SWT1: variants seen among roughly 807,000 people sequenced by gnomAD.
SWT1 encodes the protein SWT1 RNA endoribonuclease homolog, also known as transcriptional protein SWT1.
Under a neutral mutation model 107.3 loss-of-function variants are expected in SWT1, and 33 were observed. The observed-to-expected ratio is 0.31, with a 90% CI of 0.23 to 0.41. The LOEUF (loss-of-function observed/expected upper bound fraction) is 0.41, where lower values mean the gene tolerates loss of function less well. SWT1 is among the 10% of genes least tolerant of loss of function. SWT1 has a pLI of 1.00. For synonymous variants in SWT1, 345 were observed against 348.3 expected (o/e 0.99, Z 0.11); for missense variants, 898 against 1,028.9 (o/e 0.87, Z 1.74).
At chr1:185,199,935 G>A (rs1447363783) in intron 10 of SWT1, among the ~76,000 whole-genome samples, 2 of 152,084 alleles carry the variant, frequency 1.3e-5, no homozygotes, top group African/African-American at 4.8e-5. Context: ...TGGAGGCTTT[G>A]TTTGTTCCTT....
intron 13 of SWT1, among the ~76,000 whole-genome samples, chr1:185,207,509 T>G (rs538691495): frequency 4.3e-4 from 66 of 152,352 alleles, no homozygotes; most frequent in Admixed American, 3.9e-3. Context: ...TGAGAAAAAC[T>G]GATCTAATGT....
Position 185,233,077 on chromosome 1 carries a change from T to C in SWT1, c.2441+1369T>C, listed in dbSNP as rs1255507368. Among the ~76,000 whole-genome samples, 3 of 152,248 alleles carry C rather than the reference T, an allele frequency of 2.0e-5. No individual in the cohort carries two copies. The East Asian group carries it at 5.8e-4, about 29-fold the overall frequency. ...TAAAAGTGCAGATTTTCAGGCCCTCTCAGATTTATTCAATCAGAAACTGTG... is the reference window on the plus strand; with the variant it reads ...TAAAAGTGCAGATTTTCAGGCCCTCCCAGATTTATTCAATCAGAAACTGTG... On this transcript the variant is annotated intron_variant, in intron 16 of 18. Coordinates refer to ENST00000367500, the MANE Select transcript of SWT1 (RefSeq NM_017673.7).
At chr1:185,281,398 G>T (rs1003271239) in intron 18 of SWT1, 10 of 233,858 alleles carry the variant, frequency 4.3e-5, no homozygotes, top group Non-Finnish European at 8.7e-5. Context: ...GAGGAAGTCA[G>T]AGTCAAACAC....
rs765508413 is a variant in SWT1, at chr1:185,174,494, C to G, written c.347C>G (p.Ser116Cys). The G allele has an allele frequency of 3.0e-5, 49 of 1,611,080 alleles. No individual in the cohort carries two copies. The highest frequency in any genetic ancestry group is 4.2e-5 in the Non-Finnish European group (49 of 1,179,080). ...AATCAAATTATTTTGCAGAGTCCTTCTTCAAATGGAACTAAAAAAGACATA... is the reference window on the plus strand; with the variant it reads ...AATCAAATTATTTTGCAGAGTCCTTGTTCAAATGGAACTAAAAAAGACATA... ...NDNQIILQSPSSNGTKKDIHK... is the reference protein window; with the variant it reads ...NDNQIILQSPCSNGTKKDIHK... The change falls in exon 5 of 19, where the codon TCT becomes TGT. Residue 116 changes from serine (S) to cysteine (C), a missense_variant. Ser to Cys is a moderately radical substitution (Grantham distance 112, BLOSUM62 -1). Transcript: ENST00000367500.
At chr1:185,177,753 G>A (rs1235174918) in intron 5 of SWT1, among the ~76,000 whole-genome samples, 1 of 151,912 alleles carries the variant, frequency 6.6e-6, no homozygotes. Context: ...TGTTTCTTAG[G>A]TTTTATAGTT....
Position 185,290,814 on chromosome 1 carries a change from G to T in SWT1, c.*11G>T. 1.3e-6 allele frequency: 2 copies of T among 1,595,306 alleles called. No individual in the cohort carries two copies. The highest frequency in any genetic ancestry group is 1.7e-6 in the Non-Finnish European group (2 of 1,170,690). Reference sequence around the variant, plus strand: ...AACTATAGGATATAAGTACTGATTTGTAACTTTAAAGGAATTGCATTTGTC... The same window carrying T: ...AACTATAGGATATAAGTACTGATTTTTAACTTTAAAGGAATTGCATTTGTC... On this transcript the variant is annotated 3_prime_UTR_variant, in exon 19 of 19. Transcript: ENST00000367500.
chr1:185,278,399 C>G (rs1007824379), intron 18 of SWT1, among the ~76,000 whole-genome samples: 6 of 152,160 alleles, frequency 3.9e-5, no homozygotes, highest in African/African-American at 1.4e-4. Flanking sequence ...GTGCTTTGAT[C>G]TTGAACTTCC....
At chr1:185,235,570 A>T (rs1366665302) in intron 16 of SWT1, among the ~76,000 whole-genome samples, 2 of 152,208 alleles carry the variant, frequency 1.3e-5, no homozygotes, top group South Asian at 2.1e-4. Context: ...TCTCAAAATA[A>T]TAAGAGCTAT....
intron 15 of SWT1, 32 bp downstream of exon 15, chr1:185,222,068 A>AT (rs752448993): frequency 1.4e-5 from 19 of 1,371,052 alleles, no homozygotes; most frequent in Non-Finnish European, 1.9e-5. Context: ...TTTTTTAGTT[A>AT]TTTTTTAAAT....
rs774112118 is a variant in SWT1, at chr1:185,166,606, C to G, written c.119C>G (p.Thr40Ser). The change falls in exon 3 of 19, where the codon ACT becomes AGT. Residue 40 changes from threonine to serine, a missense_variant. Thr to Ser is a moderately conservative substitution (Grantham distance 58). Around this residue, in one of 6 missense-constraint regions of SWT1, gnomAD observed 382 missense variants for 362.4 expected, o/e 1.05. Transcript: ENST00000367500. ...GAGAGAAAAACCCCAGCAAGTTCTA[C>G]TAGTTCATCTTCTATAAGATCAGTT... Reference protein sequence around the residue: ...KKERKTPASSTSSSSIRSVSS... With the variant: ...KKERKTPASSSSSSSIRSVSS... The G allele has an allele frequency of 6.2e-7, 1 of 1,606,728 alleles. No individual in the cohort carries two copies. Among genetic ancestry groups the G allele is most frequent in the Non-Finnish European group, 8.5e-7 (1 of 1,175,194 alleles).
intron 17 of SWT1, among the ~76,000 whole-genome samples, chr1:185,274,705 C>T (rs949215567): frequency 6.6e-5 from 10 of 152,082 alleles, no homozygotes; most frequent in East Asian, 1.9e-4. Flanking sequence ...TTTCACAATT[C>T]GTTTTATAGT....
chr1:185,158,184 G>T (rs1196790954), intron 1 of SWT1, among the ~76,000 whole-genome samples: 2 of 152,166 alleles, frequency 1.3e-5, no homozygotes, highest in African/African-American at 2.4e-5. Flanking sequence ...CCCCGGGGAA[G>T]AGATAGCATG....
At chr1:185,173,522 GTC>G (rs1378409767) in intron 4 of SWT1, among the ~76,000 whole-genome samples, 1 of 121,860 alleles carries the variant, frequency 8.2e-6, no homozygotes, top group African/African-American at 3.4e-5. Context: ...GTGAAACCCT[GTC>G]TCTACCAAAA....
intron 9 of SWT1, among the ~76,000 whole-genome samples, chr1:185,189,422 C>A (rs76893862): frequency 0.011 from 1,677 of 152,286 alleles, 57 homozygotes; most frequent in East Asian, 0.076. Context: ...ATATTTCTTT[C>A]TCCTGTATAC....
At position 185,174,833 on chromosome 1, in the gene SWT1, G is replaced by A. The variant is rs968992764; in HGVS notation, c.686G>A (p.Arg229Lys). 5.0e-6 allele frequency: 8 copies of A among 1,613,968 alleles called. No homozygotes were observed. In the East Asian group the frequency reaches 1.6e-4, roughly 31 times the overall value. Residue 229 changes from arginine (R) to lysine (K), a missense_variant, in exon 5 of 19, where the codon AGA becomes AAA. Physicochemically the swap from Arg to Lys is conservative, Grantham distance 26. Transcript: ENST00000367500. The part of the protein sequence containing the change: ...KIIKEPLGSR[R>K]QKISFKIPIK... ...ATTAAGGAACCCTTGGGATCTAGAA[G>A]ACAGAAGATCAGTTTCAAAATCCCT...
chr1:185,161,399 A>G (rs923754772), intron 2 of SWT1, among the ~76,000 whole-genome samples: 3 of 152,128 alleles, frequency 2.0e-5, no homozygotes, highest in Admixed American at 6.6e-5. Context: ...GTTCTCTCAG[A>G]CACTACCTTA....
At chr1:185,160,260 G>A (rs540251359) in intron 1 of SWT1, among the ~76,000 whole-genome samples, 3 of 152,314 alleles carry the variant, frequency 2.0e-5, no homozygotes, top group African/African-American at 7.2e-5. Context: ...TGATGCTTAA[G>A]TGAGAAGTCA....
chr1:185,273,728 A>G (rs1006747035), intron 17 of SWT1, among the ~76,000 whole-genome samples: 1 of 152,166 alleles, frequency 6.6e-6, no homozygotes, highest in Non-Finnish European at 1.5e-5. Flanking sequence ...TAAAAATAAA[A>G]GAGCCTTAAT....
At chr1:185,247,079 T>A (rs1377216597) in intron 16 of SWT1, among the ~76,000 whole-genome samples, 3 of 152,230 alleles carry the variant, frequency 2.0e-5, no homozygotes, top group Admixed American at 6.5e-5. Context: ...TCCTTAGGTT[T>A]CTTGTTGGAA....
Sources: gnomAD v4.1 joint callset for allele counts (sites outside exome capture counted in the v4.1 genomes callset) on GRCh38, gnomAD v4.1.1 for gene constraint, gnomAD v4.1.1 regional missense constraint, MANE v1.5 for transcripts, NCBI Gene and HGNC (gene_info 2026-07-23, HGNC 2026-07-21) for gene names.